Variants in CSF2RA observed in about 807,000 individuals in gnomAD.
CSF2RA encodes the protein colony stimulating factor 2 receptor subunit alpha.
In CSF2RA, 42 loss-of-function variants were observed where a neutral mutation model predicts 51.6. The ratio of observed to expected loss-of-function variants is 0.81; its 90% CI spans 0.64 to 1.05. The LOEUF is 1.05. CSF2RA is among the 50% of genes least tolerant of loss of function. CSF2RA has a pLI of 0.00. For missense variants in CSF2RA, 530 were observed against 501.1 expected, an observed-to-expected ratio of 1.06 and a Z score of -0.55; for synonymous variants, 222 against 193.0, an observed-to-expected ratio of 1.15 and a Z score of -1.24.
intron 1 of CSF2RA, among the ~76,000 whole-genome samples, chrX:1,273,123 G>C (rs1293199541): frequency 6.8e-6 from 1 of 147,802 alleles, no homozygotes; most frequent in Non-Finnish European, 1.5e-5. Flanking sequence ...CCGGGCCTCT[G>C]ACTTTTTTTA....
downstream of CSF2RA, among the ~76,000 whole-genome samples, chrX:1,314,997 C>T (rs749996483): frequency 5.5e-5 from 7 of 126,960 alleles, no homozygotes; most frequent in African/African-American, 1.4e-4. Context: ...CTGCACCTGC[C>T]CAACCCCACT....
chrX:1,271,219 G>A (rs1195777198), intron 1 of CSF2RA, among the ~76,000 whole-genome samples: 7 of 28,270 alleles, frequency 2.5e-4, no homozygotes, highest in Non-Finnish European at 5.5e-4. Context: ...GGGCAGTGGC[G>A]CGATCTCTGC....
downstream of CSF2RA, chrX:1,310,482 C>G (rs1191112845): frequency 6.6e-6 from 1 of 151,628 alleles, no homozygotes; most frequent in Non-Finnish European, 1.5e-5. Context: ...TCCTGGCTAA[C>G]ATAGTGAAAC....
At chrX:1,288,951 G>T (rs2091076355) in intron 6 of CSF2RA, 63 bp downstream of exon 6, 2 of 1,604,190 alleles carry the variant, frequency 1.2e-6, no homozygotes, top group Admixed American at 3.3e-5. Context: ...AAATCATGCT[G>T]GTTTTCTTTT....
At chrX:1,275,883 G>T (rs2089129218) in intron 2 of CSF2RA, among the ~76,000 whole-genome samples, 1 of 151,424 alleles carries the variant, frequency 6.6e-6, no homozygotes, top group South Asian at 2.1e-4. Flanking sequence ...AGTAGCGACG[G>T]GGTTTCACCA....
At chrX:1,295,683 T>C in intron 9 of CSF2RA, 1 of 567,494 alleles carries the variant, frequency 1.8e-6, no homozygotes, top group Non-Finnish European at 3.1e-6. Flanking sequence ...AGCGTAACCC[T>C]ACAGTCCCCT....
chrX:1,280,985 C>A (rs1425300038), intron 2 of CSF2RA, among the ~76,000 whole-genome samples: 2 of 129,212 alleles, frequency 1.5e-5, no homozygotes, highest in East Asian at 2.5e-4. Flanking sequence ...TGCTTCTCCT[C>A]CTCCTCCTTC....
At chrX:1,308,834 C>A (rs1377156028) in intron 12 of CSF2RA, among the ~76,000 whole-genome samples, 1 of 152,142 alleles carries the variant, frequency 6.6e-6, no homozygotes, top group Non-Finnish European at 1.5e-5. Context: ...ACCTGCTGTA[C>A]CCTGCCCAGG....
chrX:1,316,763 C>T, the CSF2RA span, among the ~76,000 whole-genome samples: 2 of 152,208 alleles, frequency 1.3e-5, no homozygotes, highest in South Asian at 4.1e-4. Context: ...CCTGTTGAGT[C>T]ATGCCGTGGG....
chrX:1,306,042 A>C, intron 12 of CSF2RA: 1 of 458,716 alleles, frequency 2.2e-6, no homozygotes, highest in East Asian at 4.3e-5. Context: ...AGATCGCACC[A>C]CTGCACTCCA....
At chrX:1,299,464 C>A (rs2092229138) in intron 9 of CSF2RA, among the ~76,000 whole-genome samples, 1 of 151,962 alleles carries the variant, frequency 6.6e-6, no homozygotes, top group African/African-American at 2.4e-5. Flanking sequence ...TCGCTCTGTC[C>A]CCCAGGCTGG....
the CSF2RA span, among the ~76,000 whole-genome samples, chrX:1,323,054 G>A: frequency 7.2e-5 from 11 of 151,892 alleles, no homozygotes; most frequent in East Asian, 7.8e-4. Context: ...GCGTGAACCC[G>A]GGAGGTGGAG....
rs1241798700 is a variant in CSF2RA at position 1,304,942 on chromosome X, G to A, written c.1044-504G>A. On this transcript the variant is annotated intron_variant, in intron 11 of 12. Coordinates refer to ENST00000381529, the MANE Select transcript of CSF2RA (RefSeq NM_172245.4). Reference sequence around the variant, plus strand: ...CGCCTCCCAAAGTGCTGGGATTACAGGTGTGAGCCACCATGCCTGGCCTAG... The same window carrying A: ...CGCCTCCCAAAGTGCTGGGATTACAAGTGTGAGCCACCATGCCTGGCCTAG... Among the ~76,000 whole-genome samples, 3 of 150,924 alleles carry A rather than the reference G, an allele frequency of 2.0e-5. No homozygotes were observed. In the East Asian group the frequency reaches 5.9e-4, roughly 29 times the overall value.
intron 6 of CSF2RA, 81 bp downstream of exon 6, chrX:1,288,969 T>C: frequency 6.3e-7 from 1 of 1,588,890 alleles, no homozygotes; most frequent in Non-Finnish European, 8.6e-7. Flanking sequence ...TTTTTTCCTT[T>C]TTCTTTTTTT....
chrX:1,310,578 G>T (rs1453311937), downstream of CSF2RA, among the ~76,000 whole-genome samples: 3 of 150,676 alleles, frequency 2.0e-5, no homozygotes, highest in African/African-American at 7.4e-5. Context: ...TGAGGCAGGA[G>T]AATGGCGTGA....
At chrX:1,303,893 C>T in intron 10 of CSF2RA, 30 bp from the exon 11 acceptor site, 2 of 1,547,330 alleles carry the variant, frequency 1.3e-6, no homozygotes, top group Non-Finnish European at 1.8e-6. Context: ...CAACGATTCA[C>T]CGCAGACGCA....
At chrX:1,315,123 G>T (rs1402897478), downstream of CSF2RA, among the ~76,000 whole-genome samples, 22 of 151,802 alleles carry the variant, frequency 1.4e-4, no homozygotes, top group Non-Finnish European at 2.5e-4. Context: ...TCACACTGTG[G>T]GGGGGAGGGT....
At chrX:1,311,565 C>T (rs1395972309), downstream of CSF2RA, among the ~76,000 whole-genome samples, 2 of 151,960 alleles carry the variant, frequency 1.3e-5, no homozygotes, top group Non-Finnish European at 2.9e-5. Context: ...TCCCAAGTGG[C>T]TGGGAGTACA....
At chrX:1,298,973 C>G (rs1399793324) in intron 9 of CSF2RA, among the ~76,000 whole-genome samples, 1 of 152,132 alleles carries the variant, frequency 6.6e-6, no homozygotes, top group Non-Finnish European at 1.5e-5. Context: ...TCTCCACGAA[C>G]CCTACAGTCT....
Sources: allele counts gnomAD v4.1 joint callset (sites outside exome capture counted in the v4.1 genomes callset), GRCh38; gene constraint gnomAD v4.1.1; transcripts MANE v1.5; gene names NCBI Gene and HGNC (gene_info 2026-07-23, HGNC 2026-07-21).